The following SLC66A3 variants were observed in gnomAD, a reference collection of about 807,000 sequenced individuals.
SLC66A3 encodes the protein PQ loop repeat containing 3.
In SLC66A3, 23 loss-of-function variants were observed where a neutral mutation model predicts 25.5. The observed-to-expected ratio is 0.90, with a 90% CI of 0.65 to 1.28. The LOEUF (loss-of-function observed/expected upper bound fraction) is 1.28. Ranked by LOEUF, SLC66A3 falls within the 50% of genes most tolerant of loss-of-function variation. The pLI is 0.00. For missense variants in SLC66A3, 246 were observed against 262.1 expected (o/e 0.94, Z 0.42); for synonymous variants, 108 against 112.6 (o/e 0.96, Z 0.26).
intron 5 of SLC66A3, 61 bp from the exon 6 acceptor site, chr2:11,174,907 T>G (rs1662683189): frequency 1.7e-6 from 2 of 1,146,862 alleles, no homozygotes; most frequent in African/African-American, 3.1e-5. Flanking sequence ...AAGACATTAT[T>G]AGCTAAGCCC....
At chr2:11,160,387 C>G (rs1333761778) in intron 1 of SLC66A3, 79 bp from the exon 2 acceptor site, 1 of 1,262,198 alleles carries the variant, frequency 7.9e-7, no homozygotes, top group African/African-American at 1.5e-5. Context: ...GCAAACTGAC[C>G]TCAGTGTTCT....
rs1662863578 is a variant in SLC66A3, at chr2:11,178,827, C to G, written c.*999C>G. 1 of 152,076 alleles carries G rather than the reference C, an allele frequency of 6.6e-6. No individual in the cohort carries two copies. The highest frequency in any genetic ancestry group is 6.6e-5 in the Admixed American group (1 of 15,260). 9.4% of individuals were successfully genotyped at this position (152,076 alleles called of 1,614,324 possible). A position where few individuals can be genotyped will look rare whatever the true frequency, so the allele number is the denominator to read the frequency against. ...TGATGTTTACCAGAGATTATTGTTT[C>G]CTATGCAAAATAAATTTTCATATTT... is the stretch of plus-strand genomic sequence containing the variant. On this transcript the variant is annotated 3_prime_UTR_variant, in exon 7 of 7. Transcript: ENST00000295083.
chr2:11,159,638 T>C (rs1296991939), intron 1 of SLC66A3, among the ~76,000 whole-genome samples: 2 of 152,174 alleles, frequency 1.3e-5, no homozygotes, highest in African/African-American at 2.4e-5. Flanking sequence ...CTCCTGTGTG[T>C]TGAAGTCCCA....
chr2:11,158,865 C>G (rs1429720395), intron 1 of SLC66A3, among the ~76,000 whole-genome samples: 1 of 152,176 alleles, frequency 6.6e-6, no homozygotes, highest in African/African-American at 2.4e-5. Flanking sequence ...CTGTCCCCAC[C>G]CCACCTCCCC....
intron 6 of SLC66A3, among the ~76,000 whole-genome samples, chr2:11,176,592 G>A (rs1483093866): frequency 8.5e-6 from 1 of 116,980 alleles, no homozygotes; most frequent in Non-Finnish European, 1.8e-5. Context: ...GCAGTGGCGG[G>A]ATCTCGGCTC....
At chr2:11,173,865 T>C (rs1163824736) in intron 5 of SLC66A3, among the ~76,000 whole-genome samples, 1 of 152,232 alleles carries the variant, frequency 6.6e-6, no homozygotes, top group African/African-American at 2.4e-5. Context: ...AAAATAGTTC[T>C]AGTTAGACCC....
chr2:11,177,356 G>T (rs888923916), intron 6 of SLC66A3, among the ~76,000 whole-genome samples: 1 of 151,950 alleles, frequency 6.6e-6, no homozygotes, highest in Non-Finnish European at 1.5e-5. Flanking sequence ...GGTGCCTGGG[G>T]AGCTGAGGCG....
chr2:11,164,449 C>G (rs532723405), intron 4 of SLC66A3, among the ~76,000 whole-genome samples, 188 bp downstream of exon 4: 22 of 149,892 alleles, frequency 1.5e-4, no homozygotes, highest in Admixed American at 1.3e-3. Context: ...TCAAGGGATT[C>G]TCCTGTCTCA....
intron 3 of SLC66A3, 192 bp downstream of exon 3, chr2:11,160,886 G>C: frequency 3.3e-6 from 3 of 914,958 alleles, no homozygotes; most frequent in Non-Finnish European, 4.8e-6. Context: ...CTGCTCCTCC[G>C]AGACCAGCAT....
At chr2:11,173,445 G>A (rs569022083) in intron 5 of SLC66A3, among the ~76,000 whole-genome samples, 51 of 152,270 alleles carry the variant, frequency 3.3e-4, no homozygotes, top group Non-Finnish European at 7.2e-4. Flanking sequence ...TTTGTTGGCC[G>A]CCTTCCTAAC....
chr2:11,170,088 C>T (rs1010080942), intron 4 of SLC66A3, among the ~76,000 whole-genome samples: 4 of 152,316 alleles, frequency 2.6e-5, no homozygotes, highest in Admixed American at 2.6e-4. Flanking sequence ...CTGCCCGCCT[C>T]GGCCTCCCAA....
chr2:11,168,018 C>T (rs561451919), intron 4 of SLC66A3, among the ~76,000 whole-genome samples: 7 of 152,256 alleles, frequency 4.6e-5, no homozygotes, highest in South Asian at 2.1e-4. Context: ...CGGTGGCTCA[C>T]GCCTGTGATC....
intron 4 of SLC66A3, 35 bp from the exon 5 acceptor site, chr2:11,171,890 G>T (rs369339786): frequency 2.5e-5 from 41 of 1,610,950 alleles, no homozygotes; most frequent in Admixed American, 1.2e-4. Context: ...TTAACAAATC[G>T]ACTCGTGACT....
chr2:11,167,336 G>A (rs1006115539), intron 4 of SLC66A3, among the ~76,000 whole-genome samples: 6 of 152,082 alleles, frequency 3.9e-5, no homozygotes, highest in African/African-American at 9.7e-5. Flanking sequence ...CCAGCTACTC[G>A]GGAGGCTGAG....
rs767021061 is a variant in SLC66A3, at chr2:11,155,514, T to C, written c.-33T>C. On this transcript the variant is annotated 5_prime_UTR_variant, in exon 1 of 7. Coordinates refer to ENST00000295083, the MANE Select transcript of SLC66A3 (RefSeq NM_152391.5). Reference sequence around the variant, plus strand: ...CCGAGGCTGAGCGGTCCCTTCTCGCTGCGGCCGCCCAGGTGCCCGCGCCCG... The same window carrying C: ...CCGAGGCTGAGCGGTCCCTTCTCGCCGCGGCCGCCCAGGTGCCCGCGCCCG... The C allele has an allele frequency of 9.5e-6, 14 of 1,477,078 alleles. No homozygotes were observed. The highest frequency in any genetic ancestry group is 2.4e-4 in the Middle Eastern group (1 of 4,194). The allele number at this position is 1,477,078 out of a possible 1,614,324, so 91.5% of individuals were successfully genotyped here.
chr2:11,157,784 G>T (rs1222925702), intron 1 of SLC66A3, among the ~76,000 whole-genome samples: 2 of 152,238 alleles, frequency 1.3e-5, no homozygotes, highest in East Asian at 3.9e-4. Flanking sequence ...CCAGGGACCT[G>T]CCTCTGCCAC....
At chr2:11,162,242 C>T (rs1193082872) in intron 3 of SLC66A3, among the ~76,000 whole-genome samples, 1 of 152,208 alleles carries the variant, frequency 6.6e-6, no homozygotes, top group Non-Finnish European at 1.5e-5. Context: ...TGACCCTCTG[C>T]TGTTTCCCCG....
chr2:11,174,255 C>T (rs1036998490), intron 5 of SLC66A3, among the ~76,000 whole-genome samples: 1 of 152,020 alleles, frequency 6.6e-6, no homozygotes, highest in African/African-American at 2.4e-5. Flanking sequence ...TGTGCCTGGC[C>T]AAAACATTGT....
intron 4 of SLC66A3, among the ~76,000 whole-genome samples, chr2:11,168,610 C>T (rs1000392984): frequency 2.0e-5 from 3 of 152,144 alleles, no homozygotes; most frequent in South Asian, 4.1e-4. Flanking sequence ...GCCACCCCGC[C>T]GAGCCTGTGT....
Sources: allele counts gnomAD v4.1 joint callset (sites outside exome capture counted in the v4.1 genomes callset), GRCh38; gene constraint gnomAD v4.1.1; transcripts MANE v1.5; gene names NCBI Gene and HGNC (gene_info 2026-07-23, HGNC 2026-07-21).